The following TNFRSF19 variants were observed in gnomAD, a reference collection of about 807,000 sequenced individuals.
The protein encoded by TNFRSF19 is TNF receptor superfamily member 19, also known as tumor necrosis factor receptor superfamily member 19.
In TNFRSF19, 27 loss-of-function variants were observed where a neutral mutation model predicts 46.4. That is an observed-to-expected ratio of 0.58 (90% CI 0.43 to 0.80). TNFRSF19 has a LOEUF of 0.80. Ranked by LOEUF, TNFRSF19 falls within the 30% of genes least tolerant of loss-of-function variation. TNFRSF19 has a pLI of 0.00. For missense variants in TNFRSF19, 511 were observed against 530.8 expected (o/e 0.96, Z 0.37); for synonymous variants, 204 against 205.0 (o/e 1.00, Z 0.04).
At chr13:23,586,934 G>A (rs927895509) in intron 1 of TNFRSF19, among the ~76,000 whole-genome samples, 1 of 151,982 alleles carries the variant, frequency 6.6e-6, no homozygotes, top group African/African-American at 2.4e-5. Context: ...TGCTTATGTG[G>A]AGGACATGTA....
At position 23,666,410 on chromosome 13, in the gene TNFRSF19, G is replaced by A. The variant is rs1010734623; in HGVS notation, c.737-1570G>A. On this transcript the variant is annotated intron_variant, in intron 7 of 9. Transcript: ENST00000248484. ...CTTCCTATGGTAAGGAGGAACTTTC[G>A]TTCTCCATTTATGTATTTATATACC... is the stretch of plus-strand genomic sequence containing the variant. Among the ~76,000 whole-genome samples, 14 of 152,232 alleles carry A rather than the reference G, an allele frequency of 9.2e-5. 1 individual carries two copies. Among genetic ancestry groups the A allele is most frequent in the South Asian group, 8.3e-4 (4 of 4,814 alleles).
At chr13:23,612,860 C>A (rs953327933) in intron 3 of TNFRSF19, among the ~76,000 whole-genome samples, 7 of 151,990 alleles carry the variant, frequency 4.6e-5, no homozygotes, top group Admixed American at 3.3e-4. Context: ...AACTTTTAGT[C>A]CATTGGATTA....
At chr13:23,668,624 A>C (rs1593304593) in intron 8 of TNFRSF19, 68 bp from the exon 9 acceptor site, 1 of 1,520,762 alleles carries the variant, frequency 6.6e-7, no homozygotes, top group Admixed American at 2.2e-5. Context: ...ATTACGGCTG[A>C]CATGCTTCTT....
chr13:23,585,261 A>G (rs1365101343), intron 1 of TNFRSF19, among the ~76,000 whole-genome samples: 1 of 152,254 alleles, frequency 6.6e-6, no homozygotes, highest in Non-Finnish European at 1.5e-5. Flanking sequence ...GTTGGATAAT[A>G]AATAGCTTTC....
chr13:23,577,412 T>C (rs557748427), intron 1 of TNFRSF19, among the ~76,000 whole-genome samples: 6 of 152,324 alleles, frequency 3.9e-5, no homozygotes, highest in Non-Finnish European at 8.8e-5. Flanking sequence ...CTCAGAAAGC[T>C]TTGGTTGAAC....
At chr13:23,657,715 A>T (rs1333860095) in intron 5 of TNFRSF19, among the ~76,000 whole-genome samples, 2 of 151,758 alleles carry the variant, frequency 1.3e-5, no homozygotes, top group Admixed American at 6.6e-5. Flanking sequence ...TTTTCTTGAG[A>T]CAGAGTCTCG....
chr13:23,620,151 G>C (rs1881557656), intron 4 of TNFRSF19, among the ~76,000 whole-genome samples: 1 of 152,194 alleles, frequency 6.6e-6, no homozygotes, highest in Non-Finnish European at 1.5e-5. Flanking sequence ...TTTTCAAAGT[G>C]TTTTCAAAGT....
intron 1 of TNFRSF19, among the ~76,000 whole-genome samples, chr13:23,577,096 T>C (rs1486765355): frequency 1.3e-5 from 2 of 152,250 alleles, no homozygotes; most frequent in Non-Finnish European, 2.9e-5. Flanking sequence ...ATTTTACATA[T>C]GGAGAACCAG....
At position 23,659,324 on chromosome 13, in the gene TNFRSF19, G is replaced by A; in HGVS notation, c.610+110G>A. On this transcript the variant is annotated intron_variant, in intron 6 of 9. Coordinates refer to ENST00000248484, the MANE Select transcript of TNFRSF19 (RefSeq NM_148957.4). The surrounding 1 kb of genome is among the most constrained non-coding windows in gnomAD (Gnocchi z 4.9). ...TGGCTGAGACAAGCACCAGTGAGTT[G>A]TGAAAGAACGCAGGGCACAAGAAAC... is the stretch of plus-strand genomic sequence containing the variant. 1 of 1,217,302 alleles carries A rather than the reference G, an allele frequency of 8.2e-7. No homozygotes were observed. Among genetic ancestry groups the A allele is most frequent in the Admixed American group, 2.4e-5 (1 of 41,658 alleles). 75.4% of individuals were successfully genotyped at this position (1,217,302 alleles called of 1,614,324 possible). A position where few individuals can be genotyped will look rare whatever the true frequency, so the allele number is the denominator to read the frequency against.
At position 23,661,634 on chromosome 13, in the gene TNFRSF19, G is replaced by A. The variant is rs140425906; in HGVS notation, c.736+1144G>A. 5.6e-3 allele frequency among the ~76,000 whole-genome samples: 853 copies of A among 152,294 alleles called. 3 individuals are homozygous for A. The highest frequency in any genetic ancestry group is 9.3e-3 in the Non-Finnish European group (630 of 68,024). On this transcript the variant is annotated intron_variant, in intron 7 of 9. Transcript: ENST00000248484. ...AATTGCCACACTGCTTTCTACAATG[G>A]TTGAACTAATTTACACTTCCACCAA...
chr13:23,669,142 A>G lies in TNFRSF19; in HGVS notation c.1245+45A>G, dbSNP rs752601809. The G allele has an allele frequency of 8.2e-6, 13 of 1,584,226 alleles. No individual in the cohort carries two copies. In the South Asian group the frequency reaches 1.3e-4, roughly 16 times the overall value. ...CCCTGTGAACACAGCACTGACTTAC[A>G]GTAGATCAGAACTCTGTTCCCAGCA... On this transcript the variant is annotated intron_variant, in intron 9 of 9. Coordinates refer to ENST00000248484, the MANE Select transcript of TNFRSF19 (RefSeq NM_148957.4).
At chr13:23,603,918 T>A (rs1880339251) in intron 3 of TNFRSF19, among the ~76,000 whole-genome samples, 1 of 152,016 alleles carries the variant, frequency 6.6e-6, no homozygotes, top group Admixed American at 6.6e-5. Context: ...AACTAGAAGC[T>A]TTCCACTAAG....
At chr13:23,669,870 G>A (rs1951728393) in intron 9 of TNFRSF19, among the ~76,000 whole-genome samples, 2 of 152,198 alleles carry the variant, frequency 1.3e-5, no homozygotes, top group South Asian at 2.1e-4. Flanking sequence ...TATTGTTAGT[G>A]TTAAGTTCTA....
intron 3 of TNFRSF19, among the ~76,000 whole-genome samples, chr13:23,607,889 A>C (rs368489919): frequency 2.0e-5 from 3 of 152,332 alleles, no homozygotes; most frequent in South Asian, 4.1e-4. Context: ...GTATAGTTAA[A>C]CTTTCCTCTG....
chr13:23,622,199 C>T (rs1164461753), intron 4 of TNFRSF19, among the ~76,000 whole-genome samples: 4 of 151,984 alleles, frequency 2.6e-5, no homozygotes, highest in Non-Finnish European at 2.9e-5. Context: ...GTCGGGAGTT[C>T]GAGACCTGTC....
chr13:23,589,025 T>C (rs1025583329), intron 1 of TNFRSF19, among the ~76,000 whole-genome samples: 7 of 152,230 alleles, frequency 4.6e-5, no homozygotes, highest in Non-Finnish European at 8.8e-5. Flanking sequence ...CTCTGCCTCC[T>C]TGGTTGTTGT....
chr13:23,668,722 G>A lies in TNFRSF19; in HGVS notation c.870G>A (p.Pro290=), dbSNP rs368402583. Residue 290 remains proline, a synonymous_variant, in exon 9 of 10, where the codon CCG becomes CCA. Transcript: ENST00000248484. ...RNAGPAGEMV[P]TFFGSLTQSI... ...CAGGCCCAGCCGGGGAGATGGTGCC[G>A]ACTTTCTTCGGATCCCTCACGCAGT... is the stretch of plus-strand genomic sequence containing the variant. 58 of 1,613,872 alleles carry A rather than the reference G, an allele frequency of 3.6e-5. No individual in the cohort carries two copies. The highest frequency in any genetic ancestry group is 2.7e-5 in the African/African-American group (2 of 74,928).
At chr13:23,624,290 T>C (rs1298882852) in intron 4 of TNFRSF19, among the ~76,000 whole-genome samples, 2 of 152,178 alleles carry the variant, frequency 1.3e-5, no homozygotes, top group Non-Finnish European at 2.9e-5. Context: ...TTGCATTGTA[T>C]TAAGTTTTGA....
chr13:23,630,204 G>T (rs530287886), intron 5 of TNFRSF19, among the ~76,000 whole-genome samples: 15 of 151,730 alleles, frequency 9.9e-5, no homozygotes, highest in South Asian at 6.3e-4. Context: ...TTGGGAGGCT[G>T]GGGTGGGAAG....
Sources: allele counts gnomAD v4.1 joint callset (sites outside exome capture counted in the v4.1 genomes callset), GRCh38; gene constraint gnomAD v4.1.1; non-coding constraint Gnocchi (gnomAD v3.1); transcripts MANE v1.5; gene names NCBI Gene and HGNC (gene_info 2026-07-23, HGNC 2026-07-21).